Variants in CNNM2 observed in about 807,000 individuals in gnomAD.
CNNM2 encodes the protein cyclin and CBS domain divalent metal cation transport mediator 2, also known as metal transporter CNNM2.
In CNNM2, 12 loss-of-function variants were observed where a neutral mutation model predicts 66.9. The ratio of observed to expected loss-of-function variants is 0.18; its 90% confidence interval spans 0.11 to 0.29. The LOEUF (loss-of-function observed/expected upper bound fraction) is 0.29, where lower values mean the gene tolerates loss of function less well. CNNM2 is among the 10% of genes least tolerant of loss of function. CNNM2 has a pLI of 1.00. For missense variants in CNNM2, 705 were observed against 1,167.7 expected (o/e 0.60, Z 5.77); for synonymous variants, 557 against 501.8 (o/e 1.11, Z -1.47).
At chr10:103,023,655 C>T (rs2064638981) in intron 1 of CNNM2, among the ~76,000 whole-genome samples, 1 of 152,206 alleles carries the variant, frequency 6.6e-6, no homozygotes, top group Non-Finnish European at 1.5e-5. Flanking sequence ...CACTAGGCCC[C>T]ATCTCCAACA....
chr10:102,956,372 C>A (rs141397486), intron 1 of CNNM2, among the ~76,000 whole-genome samples: 2 of 150,998 alleles, frequency 1.3e-5, no homozygotes, highest in Non-Finnish European at 2.9e-5. Flanking sequence ...ACTGTTGGTG[C>A]GAGTGTAAAC....
chr10:103,072,379 G>A (rs769572463), intron 6 of CNNM2, among the ~76,000 whole-genome samples: 18 of 152,196 alleles, frequency 1.2e-4, no homozygotes, highest in African/African-American at 4.1e-4. Context: ...TGAGTGGAGC[G>A]CGAGCGCCTC....
intron 1 of CNNM2, among the ~76,000 whole-genome samples, chr10:102,990,603 A>G (rs1169873141): frequency 6.6e-6 from 1 of 152,176 alleles, no homozygotes; most frequent in Non-Finnish European, 1.5e-5. Flanking sequence ...CTTCATGTGT[A>G]CAAAGTTCTT....
rs771703937 is a variant in CNNM2 at position 103,077,133 on chromosome 10, A to T, written c.2581A>T (p.Thr861Ser). Residue 861 changes from threonine (T) to serine (S), a missense_variant, in exon 8 of 8, where the codon ACG becomes TCG. By Grantham distance (58) the Thr-to-Ser change is moderately conservative. Coordinates refer to ENST00000369878, the MANE Select transcript of CNNM2 (RefSeq NM_017649.5). ...CCTGCTCAACGAACAGAACTGTGTG[A>T]CGCACAGTAAGGCCAACCACAGCCT... Reference protein sequence around the residue: ...ANLLNEQNCVTHSKANHSLHN... With the variant: ...ANLLNEQNCVSHSKANHSLHN... 1 of 1,613,880 alleles carries T rather than the reference A, an allele frequency of 6.2e-7. No individual in the cohort carries two copies. The highest frequency in any genetic ancestry group is 8.5e-7 in the Non-Finnish European group (1 of 1,179,896).
At chr10:102,993,199 G>A (rs2063928535) in intron 1 of CNNM2, among the ~76,000 whole-genome samples, 1 of 152,128 alleles carries the variant, frequency 6.6e-6, no homozygotes, top group Admixed American at 6.6e-5. Context: ...GTTTACTTAT[G>A]TGCGTTGAGA....
At chr10:103,071,896 C>T in intron 6 of CNNM2, 57 bp downstream of exon 6, 1 of 1,500,062 alleles carries the variant, frequency 6.7e-7, no homozygotes, top group Non-Finnish European at 9.3e-7. Flanking sequence ...TGCCCCCCAT[C>T]ACGCCTGGCT....
intron 6 of CNNM2, among the ~76,000 whole-genome samples, chr10:103,075,665 A>G (rs1259068727): frequency 6.6e-6 from 1 of 152,240 alleles, no homozygotes; most frequent in Non-Finnish European, 1.5e-5. Context: ...TATTCTCAAG[A>G]GTCCCTTGTT....
chr10:102,975,788 G>T (rs1276729527), intron 1 of CNNM2, among the ~76,000 whole-genome samples: 1 of 152,144 alleles, frequency 6.6e-6, no homozygotes, highest in Non-Finnish European at 1.5e-5. Flanking sequence ...GTAGTTTAGG[G>T]TTATGGAGTA....
chr10:103,024,534 G>A (rs940468132), intron 1 of CNNM2, among the ~76,000 whole-genome samples: 4 of 151,706 alleles, frequency 2.6e-5, no homozygotes, highest in African/African-American at 7.3e-5. Context: ...GCTGGAATGC[G>A]GTGGCGTGAT....
rs1288678620 is a variant in CNNM2, at chr10:103,084,093, G to A, written c.*6913G>A. 6.6e-6 allele frequency: 1 copy of A among 152,064 alleles called. No homozygotes were observed. The highest frequency in any genetic ancestry group is 1.5e-5 in the Non-Finnish European group (1 of 68,028). The allele number at this position is 152,064 out of a possible 1,614,324, so 9.4% of individuals were successfully genotyped here. A position where few individuals can be genotyped will look rare whatever the true frequency, so the allele number is the denominator to read the frequency against. ...TGAGACCAGTCCCTGAAGAACTTAC[G>A]GTGGAGCTTCAGGGACCCTCTGTGA... On this transcript the variant is annotated 3_prime_UTR_variant, in exon 8 of 8. Transcript: ENST00000369878.
intron 1 of CNNM2, among the ~76,000 whole-genome samples, chr10:102,970,863 T>C (rs1426087761): frequency 6.6e-6 from 1 of 152,132 alleles, no homozygotes; most frequent in Non-Finnish European, 1.5e-5. Flanking sequence ...TGTTTTGTAA[T>C]GTGTTCTTTC....
At position 103,088,176 on chromosome 10, in the gene CNNM2, G is replaced by A. The variant is rs1310480452; in HGVS notation, c.*10996G>A. 6.6e-6 allele frequency: 1 copy of A among 152,178 alleles called. No individual in the cohort carries two copies. The highest frequency in any genetic ancestry group is 1.5e-5 in the Non-Finnish European group (1 of 68,030). The allele number at this position is 152,178 out of a possible 1,614,324, so 9.4% of individuals were successfully genotyped here. A position where few individuals can be genotyped will look rare whatever the true frequency, so the allele number is the denominator to read the frequency against. ...ACCGTTAGAAATATTACACTTTATTGAATTCTGGAGCAGCTAATCTACCCT... is the reference window on the plus strand; with the variant it reads ...ACCGTTAGAAATATTACACTTTATTAAATTCTGGAGCAGCTAATCTACCCT... On this transcript the variant is annotated 3_prime_UTR_variant, in exon 8 of 8. Coordinates refer to ENST00000369878, the MANE Select transcript of CNNM2 (RefSeq NM_017649.5).
rs917292762 is a variant in CNNM2, at chr10:103,085,009, C to T, written c.*7829C>T. 5.9e-5 allele frequency: 9 copies of T among 152,188 alleles called. No homozygotes were observed. Among genetic ancestry groups the T allele is most frequent in the African/African-American group, 2.2e-4 (9 of 41,522 alleles). 9.4% of individuals were successfully genotyped at this position (152,188 alleles called of 1,614,324 possible). ...TCCCTCCAAGGGCCTCATATCTGTG[C>T]TCTTATTTTCAAGCAGTCCCAGGAC... On this transcript the variant is annotated 3_prime_UTR_variant, in exon 8 of 8. Coordinates refer to ENST00000369878, the MANE Select transcript of CNNM2 (RefSeq NM_017649.5).
At chr10:103,068,486 G>GAA in intron 4 of CNNM2, 143 bp from the exon 5 acceptor site, 2 of 717,854 alleles carry the variant, frequency 2.8e-6, no homozygotes, top group South Asian at 3.3e-5. Context: ...CTCTCAGTGG[G>GAA]AAAGATGAGC....
chr10:102,994,395 C>G (rs2063950603), intron 1 of CNNM2, among the ~76,000 whole-genome samples: 1 of 152,186 alleles, frequency 6.6e-6, no homozygotes, highest in South Asian at 2.1e-4. Context: ...TTTGTTCATT[C>G]AATCAGATAT....
rs2065266882 is a variant in CNNM2 at position 103,054,588 on chromosome 10, T to C, written c.1903+122T>C. 1 of 1,010,594 alleles carries C rather than the reference T, an allele frequency of 9.9e-7. No homozygotes were observed. The highest frequency in any genetic ancestry group is 1.8e-5 in the South Asian group (1 of 56,086). The allele number at this position is 1,010,594 out of a possible 1,614,324, so 62.6% of individuals were successfully genotyped here. A position where few individuals can be genotyped will look rare whatever the true frequency, so the allele number is the denominator to read the frequency against. ...AATGGGGTGATAAGTAATGCCACTT[T>C]TGTGTTTTGTTTTTTTTGTTTTTTT... On this transcript the variant is annotated intron_variant, in intron 3 of 7. Transcript: ENST00000369878. The surrounding 1 kb of genome is among the most constrained non-coding windows in gnomAD (Gnocchi z 5.2).
At chr10:102,936,396 G>C (rs1846240102) in intron 1 of CNNM2, among the ~76,000 whole-genome samples, 1 of 152,048 alleles carries the variant, frequency 6.6e-6, no homozygotes, top group African/African-American at 2.4e-5. Flanking sequence ...CTGTAGAGTT[G>C]ATAACTAAGC....
chr10:102,940,585 A>T (rs1378822023), intron 1 of CNNM2, among the ~76,000 whole-genome samples: 1 of 151,284 alleles, frequency 6.6e-6, no homozygotes, highest in East Asian at 2.0e-4. Context: ...TGCCTGGCTA[A>T]TTTTTTGTAT....
chr10:102,948,766 C>T lies in CNNM2; in HGVS notation c.1621+28665C>T, dbSNP rs2134188464. On this transcript the variant is annotated intron_variant, in intron 1 of 7. Transcript: ENST00000369878. The stretch of plus-strand genomic sequence containing the variant: ...GAGACAGAGACTGGCATTTGGAGGC[C>T]TTTGCAGAAGTCTGGTAAGAAATGA... Among the ~76,000 whole-genome samples, 2 of 152,118 alleles carry T rather than the reference C, an allele frequency of 1.3e-5. 1 individual carries two copies. The highest frequency in any genetic ancestry group is 4.2e-4 in the South Asian group (2 of 4,810).
Sources: gnomAD v4.1 joint callset for allele counts (sites outside exome capture counted in the v4.1 genomes callset) on GRCh38, gnomAD v4.1.1 for gene constraint, Gnocchi (gnomAD v3.1) non-coding constraint, MANE v1.5 for transcripts, NCBI Gene and HGNC (gene_info 2026-07-23, HGNC 2026-07-21) for gene names.